TRHDE: variants seen among roughly 807,000 people sequenced by gnomAD.
TRHDE encodes the protein thyrotropin releasing hormone degrading enzyme.
In TRHDE, 72 loss-of-function variants were observed where a neutral mutation model predicts 125.7. The observed-to-expected ratio is 0.57, with a 90% CI of 0.47 to 0.70. The LOEUF (loss-of-function observed/expected upper bound fraction) is 0.70, where lower values mean the gene tolerates loss of function less well. TRHDE is among the 30% of genes least tolerant of loss of function. The pLI is 0.00. For missense variants in TRHDE, 1,110 were observed against 1,327.1 expected (o/e 0.84, Z 2.54); for synonymous variants, 509 against 509.1 (o/e 1.00, Z 0.00).
chr12:72,185,202 G>A (rs1877179564), intron 2 of TRHDE, among the ~76,000 whole-genome samples: 1 of 152,234 alleles, frequency 6.6e-6, no homozygotes, highest in Non-Finnish European at 1.5e-5. Flanking sequence ...AGTGGCTCCG[G>A]AGGGTGTACT....
intron 2 of TRHDE, among the ~76,000 whole-genome samples, chr12:72,116,663 T>C (rs1470415205): frequency 1.3e-5 from 2 of 151,912 alleles, no homozygotes; most frequent in Non-Finnish European, 2.9e-5. Flanking sequence ...TGTCTTCTTT[T>C]GAGAAGTGTC....
chr12:72,115,082 T>G (rs370129480), intron 2 of TRHDE, among the ~76,000 whole-genome samples: 7 of 152,204 alleles, frequency 4.6e-5, no homozygotes, highest in African/African-American at 1.7e-4. Context: ...TTCTTTGTGT[T>G]GCAAACAATC....
intron 2 of TRHDE, among the ~76,000 whole-genome samples, chr12:72,208,053 C>T (rs543460397): frequency 1.7e-3 from 262 of 152,248 alleles, no homozygotes; most frequent in Non-Finnish European, 2.9e-3. Flanking sequence ...CACATTTTAG[C>T]GCTTGGGCTT....
rs758358918 is a variant in TRHDE at position 72,663,075 on chromosome 12, T to C, written c.3090T>C (p.Tyr1030=). The change falls in exon 19 of 19, where the codon TAT becomes TAC. Residue 1030 remains tyrosine (Y), a synonymous_variant. Transcript: ENST00000261180. The stretch of plus-strand genomic sequence containing the variant: ...AGCTCAAGAACTTCATGAAAAACTA[T>C]GATGGGGTAGCTGCTGCTTCTTTCT... ...LKELKNFMKN[Y]DGVAAASFSR... The C allele has an allele frequency of 6.2e-7, 1 of 1,611,810 alleles. No individual in the cohort carries two copies.
chr12:72,415,285 T>A (rs1309508107), intron 3 of TRHDE, among the ~76,000 whole-genome samples: 1 of 152,136 alleles, frequency 6.6e-6, no homozygotes, highest in African/African-American at 2.4e-5. Context: ...ATGGGATATA[T>A]GTGATATTTT....
At chr12:72,511,011 A>G (rs1239440255) in intron 6 of TRHDE, among the ~76,000 whole-genome samples, 9 of 152,200 alleles carry the variant, frequency 5.9e-5, no homozygotes, top group Admixed American at 5.2e-4. Flanking sequence ...AGGTCAGAGT[A>G]AGATAGATGG....
chr12:72,423,325 A>G (rs1396336355), intron 3 of TRHDE, among the ~76,000 whole-genome samples: 5 of 152,144 alleles, frequency 3.3e-5, no homozygotes. Context: ...ATGCAACTCC[A>G]TTCTAAGTTC....
intron 18 of TRHDE, among the ~76,000 whole-genome samples, chr12:72,659,444 G>C (rs1874830249): frequency 6.6e-6 from 1 of 152,096 alleles, no homozygotes; most frequent in Non-Finnish European, 1.5e-5. Context: ...CACTGTTGTG[G>C]AGGAACATAG....
chr12:72,123,487 T>G (rs2139302865), intron 2 of TRHDE, among the ~76,000 whole-genome samples: 1 of 152,222 alleles, frequency 6.6e-6, no homozygotes, highest in South Asian at 2.1e-4. Flanking sequence ...TTTGGCATAT[T>G]TTCTTCTCAC....
At chr12:72,635,695 G>A (rs973026889) in intron 15 of TRHDE, among the ~76,000 whole-genome samples, 2 of 150,226 alleles carry the variant, frequency 1.3e-5, no homozygotes, top group African/African-American at 4.9e-5. Flanking sequence ...TGTAAGGAAG[G>A]GATCCAGTTT....
chr12:72,336,336 A>G (rs918677968), intron 2 of TRHDE, among the ~76,000 whole-genome samples: 1 of 152,296 alleles, frequency 6.6e-6, no homozygotes, highest in Non-Finnish European at 1.5e-5. Flanking sequence ...AAAGTTATTC[A>G]TATTATCTAT....
rs1388739410 is a variant in TRHDE, at chr12:72,658,803, G to T, written c.3066+1795G>T. Among the ~76,000 whole-genome samples, 3 of 152,120 alleles carry T rather than the reference G, an allele frequency of 2.0e-5. No individual in the cohort carries two copies. In the East Asian group the frequency reaches 5.8e-4, roughly 29 times the overall value. The stretch of plus-strand genomic sequence containing the variant: ...TAACATCACAGTGCAGTCTCTAAGT[G>T]GCATGAGGAATGAATCTCTTCACTC... On this transcript the variant is annotated intron_variant, in intron 18 of 18. Transcript: ENST00000261180.
intron 15 of TRHDE, among the ~76,000 whole-genome samples, chr12:72,623,837 C>T (rs1204971850): frequency 6.6e-6 from 1 of 151,992 alleles, no homozygotes; most frequent in Admixed American, 6.6e-5. Context: ...ATTGCGGTCA[C>T]GTTTGACTTG....
chr12:72,383,715 C>A (rs1872288735), intron 3 of TRHDE, among the ~76,000 whole-genome samples: 1 of 141,106 alleles, frequency 7.1e-6, no homozygotes, highest in Admixed American at 7.1e-5. Context: ...CTGGTAATTT[C>A]TGTTTTTTTT....
chr12:72,312,763 A>C (rs1286556179), intron 2 of TRHDE, among the ~76,000 whole-genome samples: 1 of 152,172 alleles, frequency 6.6e-6, no homozygotes, highest in Admixed American at 6.6e-5. Flanking sequence ...TGAGATAAAC[A>C]TCAGCTTCGT....
At chr12:72,521,275 A>T (rs779755992) in intron 6 of TRHDE, among the ~76,000 whole-genome samples, 5 of 152,198 alleles carry the variant, frequency 3.3e-5, no homozygotes, top group Middle Eastern at 3.2e-3. Context: ...TTGATGAGAT[A>T]CTTTAATTTG....
At chr12:72,195,020 T>G (rs1260969336) in intron 2 of TRHDE, among the ~76,000 whole-genome samples, 2 of 152,078 alleles carry the variant, frequency 1.3e-5, no homozygotes, top group Non-Finnish European at 2.9e-5. Flanking sequence ...TCAGGAAACT[T>G]ACAATCATGG....
At chr12:72,305,124 G>C (rs117463967) in intron 2 of TRHDE, among the ~76,000 whole-genome samples, 1,675 of 152,104 alleles carry the variant, frequency 0.011, 17 homozygotes, top group South Asian at 0.026. Flanking sequence ...TTAATTATGG[G>C]AAATAGTTAC....
intron 2 of TRHDE, among the ~76,000 whole-genome samples, chr12:72,332,557 C>T (rs898399140): frequency 6.6e-5 from 10 of 152,220 alleles, no homozygotes; most frequent in Admixed American, 6.5e-4. Context: ...CCAGGCCCAG[C>T]CTCCAACATT....
Sources: allele counts gnomAD v4.1 joint callset (sites outside exome capture counted in the v4.1 genomes callset), GRCh38; gene constraint gnomAD v4.1.1; transcripts MANE v1.5; gene names NCBI Gene and HGNC (gene_info 2026-07-23, HGNC 2026-07-21).